Variants in ASAP1 observed in about 807,000 individuals in gnomAD.
ASAP1 encodes the protein ArfGAP with SH3 domain, ankyrin repeat and PH domain 1.
A neutral mutation model predicts 145.2 loss-of-function variants in ASAP1; 43 were observed. The observed-to-expected ratio is 0.30, with a 90% confidence interval of 0.23 to 0.38. The LOEUF (loss-of-function observed/expected upper bound fraction) is 0.38. Among genes scored for constraint, ASAP1 ranks in the 10% least tolerant of loss-of-function variants. The pLI is 1.00. For missense variants in ASAP1, 1,018 were observed against 1,355.3 expected, an observed-to-expected ratio of 0.75 and a Z score of 3.91; for synonymous variants, 546 against 515.5, an observed-to-expected ratio of 1.06 and a Z score of -0.80.
At chr8:130,294,956 G>A (rs527607438) in intron 3 of ASAP1, among the ~76,000 whole-genome samples, 4 of 152,298 alleles carry the variant, frequency 2.6e-5, no homozygotes, top group East Asian at 1.9e-4. Context: ...TGGATTAACA[G>A]CGAGAGGAAT....
chr8:130,122,518 T>C (rs114170037), intron 18 of ASAP1, among the ~76,000 whole-genome samples: 1,703 of 152,330 alleles, frequency 0.011, 30 homozygotes, highest in African/African-American at 0.04. Flanking sequence ...GCACTAACTA[T>C]AGACCAAATG....
chr8:130,222,044 GC>G lies in ASAP1; in HGVS notation c.260-7344del, dbSNP rs1487189939. Among the ~76,000 whole-genome samples, 3 of 152,208 alleles carry G rather than the reference GC, an allele frequency of 2.0e-5. No individual in the cohort carries two copies. The East Asian group carries it at 5.8e-4, about 29-fold the overall frequency. ...ATCCTTGGCCACTGCATTGGAGCCA[GC>G]CTTTTACCCCGTGGACAGGAAGCAG... On this transcript the variant is annotated intron_variant, in intron 4 of 29. Coordinates refer to ENST00000518721, the MANE Select transcript of ASAP1 (RefSeq NM_018482.4).
At chr8:130,359,556 C>T (rs949414054) in intron 2 of ASAP1, among the ~76,000 whole-genome samples, 1 of 151,680 alleles carries the variant, frequency 6.6e-6, no homozygotes, top group South Asian at 2.1e-4. Context: ...CTGTCCTCTG[C>T]GACACACACC....
intron 28 of ASAP1, among the ~76,000 whole-genome samples, chr8:130,060,074 T>TCA (rs2097414951): frequency 2.5e-5 from 1 of 39,994 alleles, no homozygotes; most frequent in Non-Finnish European, 3.9e-5. Flanking sequence ...CGAGCCCTTC[T>TCA]CAAAAAAAAA....
intron 5 of ASAP1, among the ~76,000 whole-genome samples, chr8:130,198,670 C>G (rs913177415): frequency 6.6e-6 from 1 of 152,158 alleles, no homozygotes; most frequent in Non-Finnish European, 1.5e-5. Flanking sequence ...ACTAGGTTAA[C>G]GAGGAAACAG....
intron 5 of ASAP1, among the ~76,000 whole-genome samples, chr8:130,213,045 T>C (rs1264231166): frequency 1.3e-5 from 2 of 152,206 alleles, no homozygotes; most frequent in African/African-American, 4.8e-5. Flanking sequence ...CACCACACTT[T>C]GAGCAAGGCC....
intron 17 of ASAP1, among the ~76,000 whole-genome samples, chr8:130,124,970 A>G (rs1172774740): frequency 6.6e-6 from 1 of 152,176 alleles, no homozygotes; most frequent in Non-Finnish European, 1.5e-5. Context: ...TCTAAATTAG[A>G]AGGAATGTCT....
At chr8:130,329,988 A>T (rs757524819) in intron 3 of ASAP1, among the ~76,000 whole-genome samples, 10 of 152,252 alleles carry the variant, frequency 6.6e-5, no homozygotes, top group African/African-American at 2.4e-4. Context: ...GTTTGATGTT[A>T]CAGCTAGTGT....
At position 130,053,525 on chromosome 8, in the gene ASAP1, C is replaced by T. The variant is rs538112457; in HGVS notation, c.*1206G>A. On this transcript the variant is annotated 3_prime_UTR_variant, in exon 30 of 30. Transcript: ENST00000518721. ...GGTTATGAATTGACTTGAAGGTGGACAGAGCTTAAGACTGGAAAAATTATC... is the reference window on the plus strand; with the variant it reads ...GGTTATGAATTGACTTGAAGGTGGATAGAGCTTAAGACTGGAAAAATTATC... The T allele has an allele frequency of 2.3e-3, 350 of 152,276 alleles. 1 individual carries two copies. The highest frequency in any genetic ancestry group is 8.3e-3 in the African/African-American group (344 of 41,562). 9.4% of individuals were successfully genotyped at this position (152,276 alleles called of 1,614,324 possible).
At chr8:130,204,815 G>T (rs997141164) in intron 5 of ASAP1, among the ~76,000 whole-genome samples, 1 of 152,076 alleles carries the variant, frequency 6.6e-6, no homozygotes, top group African/African-American at 2.4e-5. Context: ...GAGATTTGGG[G>T]GTTCATGTAT....
At chr8:130,214,730 T>G (rs777576530) in intron 4 of ASAP1, 29 bp from the exon 5 acceptor site, 1 of 1,541,156 alleles carries the variant, frequency 6.5e-7, no homozygotes, top group African/African-American at 1.4e-5. Context: ...AAGAAAGGAG[T>G]CTGAACTATT....
intron 1 of ASAP1, among the ~76,000 whole-genome samples, chr8:130,417,523 T>C (rs974714034): frequency 2.6e-5 from 4 of 151,878 alleles, no homozygotes; most frequent in Non-Finnish European, 5.9e-5. Flanking sequence ...CAGAGATTGT[T>C]GTGAAAAGGG....
intron 18 of ASAP1, among the ~76,000 whole-genome samples, chr8:130,123,016 G>C (rs1283154266): frequency 6.6e-6 from 1 of 152,162 alleles, no homozygotes; most frequent in Non-Finnish European, 1.5e-5. Flanking sequence ...GTTCATGGTA[G>C]TTTTACAATC....
chr8:130,237,003 G>GA lies in ASAP1; in HGVS notation c.187-10dup. 3 of 1,551,994 alleles carry GA rather than the reference G, an allele frequency of 1.9e-6. No homozygotes were observed. The highest frequency in any genetic ancestry group is 1.2e-5 in the South Asian group (1 of 81,874). ...CTATCTTGGTCTAGAGCCTAAAAGA[G>GA]AAAAAAGGGGGAAAAGATATTAGAA... is the stretch of plus-strand genomic sequence containing the variant. On this transcript the variant is annotated splice_polypyrimidine_tract_variant and intron_variant, in intron 3 of 29. Coordinates refer to ENST00000518721, the MANE Select transcript of ASAP1 (RefSeq NM_018482.4).
chr8:130,343,332 GC>G (rs1825507062), intron 3 of ASAP1, among the ~76,000 whole-genome samples: 1 of 152,140 alleles, frequency 6.6e-6, no homozygotes. Flanking sequence ...GATGACACTG[GC>G]TTTCAGTCTG....
intron 25 of ASAP1, among the ~76,000 whole-genome samples, chr8:130,086,772 C>T (rs2097494228): frequency 6.6e-6 from 1 of 152,136 alleles, no homozygotes; most frequent in African/African-American, 2.4e-5. Context: ...CCACTGCACT[C>T]CAGCCTGGGT....
chr8:130,250,236 T>G (rs1819108583), intron 3 of ASAP1, among the ~76,000 whole-genome samples: 1 of 152,068 alleles, frequency 6.6e-6, no homozygotes, highest in Non-Finnish European at 1.5e-5. Flanking sequence ...TTCATCAATC[T>G]AAGAAGACAT....
intron 2 of ASAP1, among the ~76,000 whole-genome samples, chr8:130,395,176 G>T (rs1478506160): frequency 6.6e-6 from 1 of 152,296 alleles, no homozygotes; most frequent in Non-Finnish European, 1.5e-5. Context: ...CAGAGTTCCT[G>T]CCCTCAAGGT....
At chr8:130,205,811 G>A (rs944006646) in intron 5 of ASAP1, among the ~76,000 whole-genome samples, 9 of 149,186 alleles carry the variant, frequency 6.0e-5, no homozygotes, top group South Asian at 4.6e-4. Context: ...ATAATATAAG[G>A]CATGTACACC....
Sources: allele counts gnomAD v4.1 joint callset (sites outside exome capture counted in the v4.1 genomes callset), GRCh38; gene constraint gnomAD v4.1.1; transcripts MANE v1.5; gene names NCBI Gene and HGNC (gene_info 2026-07-23, HGNC 2026-07-21).